The following MCC variants were observed in gnomAD, a reference collection of about 807,000 sequenced individuals.
MCC encodes MCC regulator of Wnt signaling pathway, also known as colorectal mutant cancer protein.
A neutral mutation model predicts 116.2 loss-of-function variants in MCC; 90 were observed. That is an observed-to-expected ratio of 0.77 (90% CI 0.65 to 0.92). The LOEUF is 0.92. Ranked by LOEUF, MCC falls within the 40% of genes least tolerant of loss-of-function variation. The probability of loss-of-function intolerance (pLI) is 0.00; values close to 1 mark genes in which losing one functional copy is unlikely to be tolerated. For missense variants in MCC, 1,516 were observed against 1,312.2 expected (o/e 1.16, Z -2.40); for synonymous variants, 578 against 510.5 (o/e 1.13, Z -1.78).
intron 2 of MCC, among the ~76,000 whole-genome samples, chr5:113,372,816 C>G (rs1027457224): frequency 6.6e-6 from 1 of 152,076 alleles, no homozygotes; most frequent in South Asian, 2.1e-4. Flanking sequence ...CCTGGCCTCC[C>G]AAAGTGATGG....
chr5:113,487,001 T>C (rs1157457982), intron 1 of MCC, among the ~76,000 whole-genome samples: 4 of 152,150 alleles, frequency 2.6e-5, no homozygotes, highest in African/African-American at 4.8e-5. Context: ...GAAATTTGCA[T>C]GGAGTCAATC....
intron 3 of MCC, among the ~76,000 whole-genome samples, chr5:113,239,876 G>C (rs560018565): frequency 6.6e-6 from 1 of 152,272 alleles, no homozygotes; most frequent in East Asian, 1.9e-4. Context: ...GTCAGTTTCT[G>C]ATCATTACCT....
chr5:113,164,970 C>G (rs933468449), intron 3 of MCC, among the ~76,000 whole-genome samples: 14 of 152,146 alleles, frequency 9.2e-5, no homozygotes, highest in Non-Finnish European at 1.5e-5. Context: ...AACTCTGTAG[C>G]CAAAAAGGCG....
intron 2 of MCC, among the ~76,000 whole-genome samples, chr5:113,365,467 C>A (rs1256753467): frequency 6.6e-6 from 1 of 152,218 alleles, no homozygotes; most frequent in Non-Finnish European, 1.5e-5. Flanking sequence ...AACCATTCAA[C>A]AAGTCTCTAG....
chr5:113,198,027 T>C (rs6899208), intron 3 of MCC, among the ~76,000 whole-genome samples: 80,198 of 152,202 alleles, frequency 0.53, 25,264 homozygotes, highest in East Asian at 0.72. Flanking sequence ...TAAGAACTGG[T>C]GGCCAGCCAC....
chr5:113,361,909 T>C (rs1243028747), intron 2 of MCC, among the ~76,000 whole-genome samples: 1 of 152,204 alleles, frequency 6.6e-6, no homozygotes, highest in Non-Finnish European at 1.5e-5. Context: ...GGACTTGGAC[T>C]GAGAGTTACA....
At chr5:113,412,085 T>C (rs560204703) in intron 1 of MCC, among the ~76,000 whole-genome samples, 34 of 152,314 alleles carry the variant, frequency 2.2e-4, no homozygotes, top group African/African-American at 7.7e-4. Context: ...TAGTTGTAGA[T>C]GTGTGGTGTT....
At chr5:113,046,255 C>T (rs1265513059) in intron 16 of MCC, among the ~76,000 whole-genome samples, 2 of 151,866 alleles carry the variant, frequency 1.3e-5, no homozygotes, top group Non-Finnish European at 1.5e-5. Context: ...TGCGGCTGCA[C>T]GACCTTGGGT....
chr5:113,312,881 T>C (rs1561519866), intron 3 of MCC, among the ~76,000 whole-genome samples: 1 of 152,188 alleles, frequency 6.6e-6, no homozygotes. Context: ...AAATAAATGA[T>C]TGAGAGATTA....
chr5:113,149,260 CAAAA>C (rs1166222978), intron 4 of MCC, among the ~76,000 whole-genome samples: 6 of 150,534 alleles, frequency 4.0e-5, no homozygotes, highest in Non-Finnish European at 8.9e-5. Flanking sequence ...CACTGTAAAA[CAAAA>C]AAAGCACTGA....
At chr5:113,119,754 A>T (rs1757626961) in intron 6 of MCC, among the ~76,000 whole-genome samples, 1 of 152,218 alleles carries the variant, frequency 6.6e-6, no homozygotes, top group African/African-American at 2.4e-5. Context: ...AACACTGGGC[A>T]GGGAAGGTCA....
intron 3 of MCC, among the ~76,000 whole-genome samples, chr5:113,327,561 A>AATATATATATATATATATATAT (rs869214073): frequency 5.7e-4 from 46 of 80,510 alleles, no homozygotes; most frequent in Non-Finnish European, 9.7e-4. Flanking sequence ...AAAAAAAAAA[A>AATATATATATATATATATATAT]ATATATATAT....
At chr5:113,047,855 G>A (rs1752207548) in intron 16 of MCC, among the ~76,000 whole-genome samples, 1 of 151,542 alleles carries the variant, frequency 6.6e-6, no homozygotes. Flanking sequence ...AAAACACCTG[G>A]GGGCTGATAA....
chr5:113,170,896 C>T (rs929090257), intron 3 of MCC, among the ~76,000 whole-genome samples: 1 of 152,064 alleles, frequency 6.6e-6, no homozygotes, highest in Non-Finnish European at 1.5e-5. Context: ...CTGGCAATAC[C>T]TTTAAGCTGA....
At position 113,202,523 on chromosome 5, in the gene MCC, G is replaced by C. The variant is rs374754509; in HGVS notation, c.628-51101C>G. 3.0e-4 allele frequency among the ~76,000 whole-genome samples: 45 copies of C among 152,214 alleles called. No homozygotes were observed. The South Asian group carries it at 9.1e-3, about 31-fold the overall frequency. On this transcript the variant is annotated intron_variant, in intron 3 of 18. Coordinates refer to ENST00000408903, the MANE Select transcript of MCC (RefSeq NM_001085377.2). ...CAGGATCATCACTGTCATTCTTTTG[G>C]ACATGTTCATTTATTAGCAGTCATT...
intron 3 of MCC, among the ~76,000 whole-genome samples, chr5:113,321,217 A>C (rs1432406739): frequency 6.6e-6 from 1 of 152,244 alleles, no homozygotes; most frequent in Non-Finnish European, 1.5e-5. Flanking sequence ...TCTAGAAATA[A>C]AACCAAAATA....
intron 1 of MCC, among the ~76,000 whole-genome samples, chr5:113,473,717 T>C (rs1177482496): frequency 2.0e-5 from 3 of 152,156 alleles, no homozygotes; most frequent in Admixed American, 6.5e-5. Context: ...ATACTATTAC[T>C]GCATGGAATT....
chr5:113,263,584 T>C (rs1051313553), intron 3 of MCC, among the ~76,000 whole-genome samples: 5 of 152,036 alleles, frequency 3.3e-5, no homozygotes, highest in Non-Finnish European at 7.4e-5. Flanking sequence ...TTTCTCAGAG[T>C]AACATGACTT....
chr5:113,226,710 A>G (rs1218609014), intron 3 of MCC, among the ~76,000 whole-genome samples: 2 of 152,230 alleles, frequency 1.3e-5, no homozygotes, highest in African/African-American at 4.8e-5. Flanking sequence ...AACATCCCTT[A>G]AAAATGTTGA....
Sources: gnomAD v4.1 joint callset for allele counts (sites outside exome capture counted in the v4.1 genomes callset) on GRCh38, gnomAD v4.1.1 for gene constraint, MANE v1.5 for transcripts, NCBI Gene and HGNC (gene_info 2026-07-23, HGNC 2026-07-21) for gene names.